GRM7: variants seen among roughly 807,000 people sequenced by gnomAD.
The protein encoded by GRM7 is metabotropic glutamate receptor 7.
A neutral mutation model predicts 84.5 loss-of-function variants in GRM7; 35 were observed. The ratio of observed to expected loss-of-function variants is 0.41; its 90% confidence interval spans 0.32 to 0.55. The LOEUF (loss-of-function observed/expected upper bound fraction) is 0.55. GRM7 is among the 20% of genes least tolerant of loss of function. GRM7 has a pLI of 0.19. For synonymous variants in GRM7, 487 were observed against 455.1 expected (o/e 1.07, Z -0.89); for missense variants, 1,003 against 1,194.6 (o/e 0.84, Z 2.36).
At chr3:6,946,576 GT>G (rs1440439910) in intron 1 of GRM7, among the ~76,000 whole-genome samples, 2 of 152,132 alleles carry the variant, frequency 1.3e-5, no homozygotes, top group Non-Finnish European at 2.9e-5. Flanking sequence ...CTTTAAAGTA[GT>G]TTTTTCCAAT....
chr3:6,972,865 C>G (rs1693813456), intron 1 of GRM7, among the ~76,000 whole-genome samples: 1 of 152,180 alleles, frequency 6.6e-6, no homozygotes, highest in Non-Finnish European at 1.5e-5. Flanking sequence ...ATTAGCAAAC[C>G]ACACTCTCAC....
At chr3:7,076,022 G>T (rs906179678) in intron 1 of GRM7, among the ~76,000 whole-genome samples, 2 of 151,588 alleles carry the variant, frequency 1.3e-5, no homozygotes, top group African/African-American at 4.8e-5. Context: ...GGGAAAAAAA[G>T]AAAAAAACAT....
At chr3:7,293,209 A>G (rs1345630482) in intron 2 of GRM7, among the ~76,000 whole-genome samples, 1 of 152,108 alleles carries the variant, frequency 6.6e-6, no homozygotes, top group African/African-American at 2.4e-5. Context: ...TATTAGATTA[A>G]AAATAATTCA....
chr3:7,512,616 G>C (rs1193582831), intron 7 of GRM7, among the ~76,000 whole-genome samples: 1 of 147,608 alleles, frequency 6.8e-6, no homozygotes, highest in East Asian at 2.0e-4. Flanking sequence ...GCATTAGAGA[G>C]ACATTTGGGA....
At chr3:6,963,776 A>G (rs1693394500) in intron 1 of GRM7, among the ~76,000 whole-genome samples, 1 of 152,184 alleles carries the variant, frequency 6.6e-6, no homozygotes. Flanking sequence ...ACTTACATGA[A>G]TGGCATCCTA....
intron 1 of GRM7, among the ~76,000 whole-genome samples, chr3:6,942,358 T>C (rs888612977): frequency 2.0e-4 from 30 of 152,174 alleles, no homozygotes; most frequent in Non-Finnish European, 4.0e-4. Context: ...TTTTGACTTA[T>C]GTGTAAATCT....
At chr3:7,034,917 C>G (rs1348583923) in intron 1 of GRM7, among the ~76,000 whole-genome samples, 2 of 152,120 alleles carry the variant, frequency 1.3e-5, no homozygotes, top group Non-Finnish European at 2.9e-5. Context: ...AAGGGTCAGA[C>G]CCTGGAGGAA....
intron 9 of GRM7, among the ~76,000 whole-genome samples, chr3:7,705,210 G>A (rs1227974732): frequency 1.3e-5 from 2 of 152,094 alleles, no homozygotes; most frequent in Admixed American, 1.3e-4. Flanking sequence ...GAAACGTTCA[G>A]GACAAATCAA....
chr3:7,371,621 A>G (rs1548147), intron 4 of GRM7, among the ~76,000 whole-genome samples: 4,878 of 152,226 alleles, frequency 0.032, 255 homozygotes, highest in African/African-American at 0.11. Flanking sequence ...GCAATGCACA[A>G]TGATGTACGT....
chr3:7,580,243 G>T (rs910876764), intron 8 of GRM7, among the ~76,000 whole-genome samples: 1 of 152,116 alleles, frequency 6.6e-6, no homozygotes, highest in African/African-American at 2.4e-5. Flanking sequence ...GATAAGATAT[G>T]GTGTCTTTCA....
At chr3:6,947,911 C>A (rs369679343) in intron 1 of GRM7, among the ~76,000 whole-genome samples, 2 of 152,166 alleles carry the variant, frequency 1.3e-5, no homozygotes, top group African/African-American at 4.8e-5. Flanking sequence ...TCCCCTTTAT[C>A]ATTTTTTATT....
At chr3:7,543,061 GACGAATGAATGA>G (rs929386250) in intron 7 of GRM7, among the ~76,000 whole-genome samples, 1 of 152,082 alleles carries the variant, frequency 6.6e-6, no homozygotes, top group African/African-American at 2.4e-5. Context: ...TATTTGAATG[GACGAATGAATGA>G]ACAAATGAAT....
chr3:7,140,883 G>C (rs186465956), intron 1 of GRM7, among the ~76,000 whole-genome samples: 24 of 152,088 alleles, frequency 1.6e-4, no homozygotes, highest in African/African-American at 5.3e-4. Context: ...TAGAGAGGGA[G>C]ACTTTGGGCC....
chr3:7,586,078 C>A (rs561001881), intron 8 of GRM7, among the ~76,000 whole-genome samples: 2 of 152,204 alleles, frequency 1.3e-5, no homozygotes, highest in Non-Finnish European at 2.9e-5. Context: ...TTGGTCTTCA[C>A]TTCTTTCATC....
chr3:7,007,961 A>T (rs338086), intron 1 of GRM7, among the ~76,000 whole-genome samples: 17,596 of 152,172 alleles, frequency 0.12, 3,142 homozygotes, highest in African/African-American at 0.38. Context: ...GAAATGTTCA[A>T]AACGTTCCCT....
intron 1 of GRM7, among the ~76,000 whole-genome samples, chr3:7,062,746 T>A (rs2124971676): frequency 6.6e-6 from 1 of 151,894 alleles, no homozygotes; most frequent in East Asian, 1.9e-4. Flanking sequence ...TGATAACCCA[T>A]ATCAACATTA....
At chr3:7,114,644 C>T (rs760941245) in intron 1 of GRM7, among the ~76,000 whole-genome samples, 20 of 152,118 alleles carry the variant, frequency 1.3e-4, no homozygotes, top group African/African-American at 4.8e-4. Flanking sequence ...TTTTCCTCTG[C>T]GTACCTGGTT....
chr3:6,882,225 GA>G (rs1300700217), intron 1 of GRM7, among the ~76,000 whole-genome samples: 1 of 151,908 alleles, frequency 6.6e-6, no homozygotes, highest in Admixed American at 6.6e-5. Context: ...AATTAATGCA[GA>G]AAAAAAGGCT....
At chr3:7,492,369 A>T (rs940839845) in intron 7 of GRM7, among the ~76,000 whole-genome samples, 1 of 152,096 alleles carries the variant, frequency 6.6e-6, no homozygotes, top group Non-Finnish European at 1.5e-5. Flanking sequence ...TTAATTGCAT[A>T]TTTAATTTAT....
Sources: gnomAD v4.1 joint callset for allele counts (sites outside exome capture counted in the v4.1 genomes callset) on GRCh38, gnomAD v4.1.1 for gene constraint, MANE v1.5 for transcripts, NCBI Gene and HGNC (gene_info 2026-07-23, HGNC 2026-07-21) for gene names.